Variants in AXDND1 observed in about 807,000 individuals in gnomAD.
AXDND1 encodes the protein axonemal dynein light chain domain containing 1, also known as axonemal dynein light chain domain-containing protein 1.
In AXDND1, 110 loss-of-function variants were observed where a neutral mutation model predicts 137.5. The observed-to-expected ratio is 0.80, with a 90% CI of 0.69 to 0.94. The LOEUF is 0.94. AXDND1 is among the 40% of genes least tolerant of loss of function. The probability of loss-of-function intolerance (pLI) is 0.00; values close to 1 mark genes in which losing one functional copy is unlikely to be tolerated. For missense variants in AXDND1, 1,191 were observed against 1,169.8 expected (o/e 1.02, Z -0.26); for synonymous variants, 414 against 399.7 (o/e 1.04, Z -0.43).
chr1:179,524,082 A>G (rs1412718304), intron 21 of AXDND1, among the ~76,000 whole-genome samples: 1 of 151,966 alleles, frequency 6.6e-6, no homozygotes, highest in African/African-American at 2.4e-5. Context: ...TTCTTTATTC[A>G]CTCATTGATT....
chr1:179,541,106 T>C (rs1672091304), intron 25 of AXDND1, among the ~76,000 whole-genome samples: 1 of 152,234 alleles, frequency 6.6e-6, no homozygotes, highest in Non-Finnish European at 1.5e-5. Flanking sequence ...CTTAGCTTGC[T>C]GGGCTCCGTG....
chr1:179,456,844 T>TGC (rs1661480967), intron 16 of AXDND1: 1 of 818,592 alleles, frequency 1.2e-6, no homozygotes, highest in Non-Finnish European at 2.1e-6. Flanking sequence ...GTATGCTATT[T>TGC]CTGAATGACA....
intron 11 of AXDND1, among the ~76,000 whole-genome samples, chr1:179,395,705 T>G (rs1322156986): frequency 6.6e-6 from 1 of 152,214 alleles, no homozygotes; most frequent in Admixed American, 6.5e-5. Flanking sequence ...TGAAATATTC[T>G]TATAATGGTT....
At chr1:179,550,475 G>T (rs775523497) in intron 25 of AXDND1, 8 of 151,680 alleles carry the variant, frequency 5.3e-5, no homozygotes, top group Non-Finnish European at 1.0e-4. Flanking sequence ...TAAGCCACAT[G>T]TGTCAGATGT....
chr1:179,488,633 TCCTTTC>T (rs1393864271), intron 18 of AXDND1, among the ~76,000 whole-genome samples: 6 of 54,026 alleles, frequency 1.1e-4, no homozygotes, highest in African/African-American at 1.8e-4. Flanking sequence ...TCTCTCTCTC[TCCTTTC>T]TTTCTTTCTT....
At chr1:179,500,764 C>T (rs964746251) in intron 20 of AXDND1, among the ~76,000 whole-genome samples, 2 of 152,164 alleles carry the variant, frequency 1.3e-5, no homozygotes, top group African/African-American at 2.4e-5. Context: ...CTCTGCCTCT[C>T]GGGTTCAAGA....
At chr1:179,465,509 G>A (rs1431845847) in intron 16 of AXDND1, among the ~76,000 whole-genome samples, 2 of 152,326 alleles carry the variant, frequency 1.3e-5, no homozygotes, top group African/African-American at 2.4e-5. Context: ...GCACCTGGCC[G>A]TATGAGGTGT....
chr1:179,445,439 A>G (rs971943488), intron 16 of AXDND1, among the ~76,000 whole-genome samples: 2 of 152,132 alleles, frequency 1.3e-5, no homozygotes, highest in African/African-American at 4.8e-5. Context: ...GTGTGCATCT[A>G]TTACCACAGT....
At chr1:179,551,499 A>G (rs753852115) in intron 25 of AXDND1, 3 of 1,608,422 alleles carry the variant, frequency 1.9e-6, no homozygotes, top group East Asian at 4.5e-5. Context: ...CATTCCCTGA[A>G]GGCTTCACCA....
At chr1:179,437,759 C>T (rs1052886978) in intron 15 of AXDND1, among the ~76,000 whole-genome samples, 2 of 152,192 alleles carry the variant, frequency 1.3e-5, no homozygotes, top group African/African-American at 4.8e-5. Flanking sequence ...GGTTGAGGCT[C>T]TCCAGGCCTT....
rs557772016 is a variant in AXDND1, at chr1:179,517,971, C to T, written c.2497-7363C>T. On this transcript the variant is annotated intron_variant, in intron 21 of 25. Transcript: ENST00000367618. The stretch of plus-strand genomic sequence containing the variant: ...CTACAATCTAGTCCTACTTCCCATC[C>T]ACCAGGATGATCTTCTCTTTTATCT... Among the ~76,000 whole-genome samples, 170 of 152,336 alleles carry T rather than the reference C, an allele frequency of 1.1e-3. 2 individuals carry two copies. The highest frequency in any genetic ancestry group is 4.0e-3 in the African/African-American group (167 of 41,574).
intron 21 of AXDND1, among the ~76,000 whole-genome samples, chr1:179,515,455 A>C (rs1669447077): frequency 6.6e-6 from 1 of 152,152 alleles, no homozygotes; most frequent in African/African-American, 2.4e-5. Context: ...TTAATCTGTT[A>C]GGTTTTCCTT....
chr1:179,454,059 G>C (rs6425561), intron 16 of AXDND1: 48,604 of 152,014 alleles, frequency 0.32, 8,149 homozygotes, highest in Middle Eastern at 0.41. Context: ...TAAGACTTTG[G>C]GGGGACTGTT....
At chr1:179,532,496 G>C (rs1671126153) in intron 23 of AXDND1, among the ~76,000 whole-genome samples, 1 of 152,190 alleles carries the variant, frequency 6.6e-6, no homozygotes, top group Non-Finnish European at 1.5e-5. Flanking sequence ...AAATGATAGT[G>C]TGTACTTTCC....
chr1:179,422,055 A>C (rs898023080), intron 12 of AXDND1, among the ~76,000 whole-genome samples: 2 of 151,838 alleles, frequency 1.3e-5, no homozygotes, highest in African/African-American at 4.8e-5. Flanking sequence ...GAAAAAAAAA[A>C]AAAAAAACAG....
At chr1:179,418,466 G>A (rs933078641) in intron 12 of AXDND1, among the ~76,000 whole-genome samples, 4 of 152,028 alleles carry the variant, frequency 2.6e-5, no homozygotes, top group African/African-American at 9.7e-5. Context: ...CCACAAAACC[G>A]CCATTGTCAT....
At chr1:179,494,966 A>G (rs1667297867) in intron 20 of AXDND1, among the ~76,000 whole-genome samples, 1 of 152,252 alleles carries the variant, frequency 6.6e-6, no homozygotes, top group Middle Eastern at 3.4e-3. Flanking sequence ...AAAAGGCTGT[A>G]CTTTCTCTAT....
intron 25 of AXDND1, among the ~76,000 whole-genome samples, chr1:179,536,501 T>G (rs964475931): frequency 2.0e-5 from 3 of 152,242 alleles, no homozygotes; most frequent in Non-Finnish European, 4.4e-5. Context: ...TTGTCAGGTT[T>G]GTCAAAGATC....
At chr1:179,403,483 G>A (rs1050954282) in intron 11 of AXDND1, among the ~76,000 whole-genome samples, 3 of 152,222 alleles carry the variant, frequency 2.0e-5, no homozygotes, top group African/African-American at 7.2e-5. Context: ...AAACGTGATG[G>A]AAATTACGTG....
Sources: gnomAD v4.1 joint callset for allele counts (sites outside exome capture counted in the v4.1 genomes callset) on GRCh38, gnomAD v4.1.1 for gene constraint, MANE v1.5 for transcripts, NCBI Gene and HGNC (gene_info 2026-07-23, HGNC 2026-07-21) for gene names.